The following TOP3B variants were observed in gnomAD, a reference collection of about 807,000 sequenced individuals.
The protein encoded by TOP3B is DNA topoisomerase 3-beta-1.
Under a neutral mutation model 93.9 loss-of-function variants are expected in TOP3B, and 45 were observed. The observed-to-expected ratio is 0.48, with a 90% CI of 0.38 to 0.61. The LOEUF is 0.61. TOP3B is among the 20% of genes least tolerant of loss of function. The pLI is 0.00. For missense variants in TOP3B, 750 were observed against 1,156.1 expected, an observed-to-expected ratio of 0.65 and a Z score of 5.09; for synonymous variants, 357 against 472.6, an observed-to-expected ratio of 0.76 and a Z score of 3.17.
At chr22:21,960,659 G>T in intron 13 of TOP3B, 1 of 650,454 alleles carries the variant, frequency 1.5e-6, no homozygotes, top group Non-Finnish European at 2.6e-6. Flanking sequence ...CACAAGGGCA[G>T]CCCTCCCTGT....
intron 10 of TOP3B, 53 bp from the exon 11 acceptor site, chr22:21,964,081 G>T (rs970257766): frequency 1.9e-6 from 3 of 1,603,584 alleles, no homozygotes; most frequent in African/African-American, 2.7e-5. Flanking sequence ...CTGCCTGCCT[G>T]GGTTTGGCTG....
At chr22:21,964,565 CCACT>C in intron 9 of TOP3B, 1 of 556,278 alleles carries the variant, frequency 1.8e-6, no homozygotes. Context: ...ATGGGAAACG[CCACT>C]CACTCTACCC....
chr22:21,968,676 C>T lies in TOP3B; in HGVS notation c.681G>A (p.Glu227=). 7 of 1,614,218 alleles carry T rather than the reference C, an allele frequency of 4.3e-6. No individual in the cohort carries two copies. Among genetic ancestry groups the T allele is most frequent in the Non-Finnish European group, 5.9e-6 (7 of 1,180,046 alleles). The stretch of plus-strand genomic sequence containing the variant: ...TGAAGGACTGGATTTTATCATGTCT[C>T]TCCACACAGAATCCCAGGGTTGGAG... ...CQTPTLGFCV[E]RHDKIQSFKP... The change falls in exon 7 of 18, where the codon GAG becomes GAA. Residue 227 remains glutamate (E), a synonymous_variant. Transcript: ENST00000357179.
Position 21,971,101 on chromosome 22 carries a change from T to C in TOP3B, c.385-695A>G, listed in dbSNP as rs1163887693. The C allele has an allele frequency of 1.6e-6, 2 of 1,282,224 alleles. No homozygotes were observed. Among genetic ancestry groups the C allele is most frequent in the African/African-American group, 1.5e-5 (1 of 65,374 alleles). The allele number at this position is 1,282,224 out of a possible 1,614,324, so 79.4% of individuals were successfully genotyped here. ...CCCCATGAGCTGCCCCCATTCTCCATTCCCAGATGCAAAGGCCCCCAGGGA... is the reference window on the plus strand; with the variant it reads ...CCCCATGAGCTGCCCCCATTCTCCACTCCCAGATGCAAAGGCCCCCAGGGA... On this transcript the variant is annotated intron_variant, in intron 5 of 17. Coordinates refer to ENST00000357179, the MANE Select transcript of TOP3B (RefSeq NM_001282112.2). The surrounding 1 kb of genome is among the most constrained non-coding windows in gnomAD (Gnocchi z 4.6).
rs909868898 is a variant in TOP3B at position 21,971,054 on chromosome 22, C to T, written c.385-648G>A. The T allele has an allele frequency of 1.2e-5, 16 of 1,303,044 alleles. No homozygotes were observed. In the African/African-American group the frequency reaches 2.3e-4, roughly 19 times the overall value. 80.7% of individuals were successfully genotyped at this position (1,303,044 alleles called of 1,614,324 possible). On this transcript the variant is annotated intron_variant, in intron 5 of 17. Coordinates refer to ENST00000357179, the MANE Select transcript of TOP3B (RefSeq NM_001282112.2). This position sits in a 1 kb window ranked among gnomAD's most constrained non-coding sequence, Gnocchi z 4.6. Reference sequence around the variant, plus strand: ...CAGCTTCCTTACTGGGAATAAGTGGCTTCATTTCTGAAGGGAGAAAGCCCC... The same window carrying T: ...CAGCTTCCTTACTGGGAATAAGTGGTTTCATTTCTGAAGGGAGAAAGCCCC...
intron 17 of TOP3B, chr22:21,958,018 T>C: frequency 4.5e-6 from 6 of 1,325,178 alleles, no homozygotes; most frequent in Non-Finnish European, 5.9e-6. Context: ...GGGAGCTTTC[T>C]GCAGAGCACA....
intron 1 of TOP3B, among the ~76,000 whole-genome samples, chr22:21,980,697 A>G (rs1223270227): frequency 6.6e-6 from 1 of 152,184 alleles, no homozygotes; most frequent in Non-Finnish European, 1.5e-5. Flanking sequence ...TGCATCTCCC[A>G]AGGCTCTGCT....
At chr22:21,964,757 C>A in intron 9 of TOP3B, 1 of 199,770 alleles carries the variant, frequency 5.0e-6, no homozygotes, top group East Asian at 1.3e-4. Context: ...ACTTTGGGGC[C>A]ACTCAGGGGG....
chr22:21,962,432 T>C lies in TOP3B; in HGVS notation c.1522A>G (p.Ile508Val). Residue 508 changes from isoleucine (I) to valine (V), a missense_variant, in exon 13 of 18, where the codon ATC (isoleucine) becomes GTC (valine). By Grantham distance (29) the Ile-to-Val change is conservative. Coordinates refer to ENST00000357179, the MANE Select transcript of TOP3B (RefSeq NM_001282112.2). ...ELITLMEKHG[I>V]GTDASIPVHI... Reference sequence around the variant, plus strand: ...GGGCCTGGGCAGGCGCACCCACCGATGCCATGCTTCTCCATGAGCGTGATG... The same window carrying C: ...GGGCCTGGGCAGGCGCACCCACCGACGCCATGCTTCTCCATGAGCGTGATG... 2 of 1,613,494 alleles carry C rather than the reference T, an allele frequency of 1.2e-6. No homozygotes were observed. Among genetic ancestry groups the C allele is most frequent in the Non-Finnish European group, 1.7e-6 (2 of 1,180,002 alleles).
rs2071024491 is a variant in TOP3B, at chr22:21,958,517, G to A, written c.2082C>T (p.His694=). ...SYPLCPYCYN[H]PPFRDMKKGM... ...CTTTCTTCATGTCTCGGAAGGGTGG[G>A]TGGTTGTAGCAGTAGGGGCACAGCG... Residue 694 remains histidine (H), a synonymous_variant, in exon 17 of 18, where the codon CAC becomes CAT. Transcript: ENST00000357179. 15 of 1,613,976 alleles carry A rather than the reference G, an allele frequency of 9.3e-6. No homozygotes were observed. The highest frequency in any genetic ancestry group is 1.3e-5 in the Non-Finnish European group (15 of 1,180,048).
chr22:21,979,833 C>T (rs1041721036), intron 1 of TOP3B, among the ~76,000 whole-genome samples: 6 of 147,494 alleles, frequency 4.1e-5, no homozygotes, highest in South Asian at 2.1e-4. Context: ...CCCAGCTACT[C>T]GGGAGGCTGA....
chr22:21,975,023 C>T (rs2071804953), intron 2 of TOP3B: 1 of 153,006 alleles, frequency 6.5e-6, no homozygotes, highest in Admixed American at 6.5e-5. Flanking sequence ...AACTGCTGGA[C>T]CAAGGGGAGG....
chr22:21,972,198 A>G (rs1036394867), intron 4 of TOP3B: 2 of 515,780 alleles, frequency 3.9e-6, no homozygotes, highest in African/African-American at 1.9e-5. Context: ...CTTATACCCC[A>G]AAACTGCCCA....
intron 9 of TOP3B, 189 bp downstream of exon 9, chr22:21,965,095 AC>A: frequency 2.4e-6 from 1 of 424,220 alleles, no homozygotes; most frequent in Non-Finnish European, 4.2e-6. Flanking sequence ...AGGGACTCTA[AC>A]ATCAGGAGGT....
intron 15 of TOP3B, 119 bp downstream of exon 15, chr22:21,959,467 CG>C: frequency 6.6e-7 from 1 of 1,512,964 alleles, no homozygotes; most frequent in African/African-American, 1.4e-5. Flanking sequence ...ACCTGGCCTA[CG>C]GAGGCCTGAA....
At chr22:21,958,376 G>A (rs1482504551) in intron 17 of TOP3B, 116 bp downstream of exon 17, 2 of 1,563,248 alleles carry the variant, frequency 1.3e-6, no homozygotes, top group Admixed American at 1.8e-5. Flanking sequence ...GTGCCAATGA[G>A]TGCAGGAAAG....
In TOP3B at chr22:21,971,180, G is replaced by C; in HGVS notation, c.384+697C>G. ...ATCTGGGAAGAGACAGAGTGTGATCGCATTTGCTGAGGGTGCTGTACTGCA... is the reference window on the plus strand; with the variant it reads ...ATCTGGGAAGAGACAGAGTGTGATCCCATTTGCTGAGGGTGCTGTACTGCA... On this transcript the variant is annotated intron_variant, in intron 5 of 17. Coordinates refer to ENST00000357179, the MANE Select transcript of TOP3B (RefSeq NM_001282112.2). This position sits in a 1 kb window ranked among gnomAD's most constrained non-coding sequence, Gnocchi z 4.6. 1 of 605,324 alleles carries C rather than the reference G, an allele frequency of 1.7e-6. No individual in the cohort carries two copies. Among genetic ancestry groups the C allele is most frequent in the South Asian group, 1.8e-5 (1 of 56,768 alleles). The allele number at this position is 605,324 out of a possible 1,614,324, so 37.5% of individuals were successfully genotyped here.
At chr22:21,981,932 G>A (rs555753340) in intron 1 of TOP3B, among the ~76,000 whole-genome samples, 4 of 152,166 alleles carry the variant, frequency 2.6e-5, no homozygotes, top group Non-Finnish European at 5.9e-5. Context: ...GGAAAAGAGG[G>A]AAACAACCAT....
Position 21,968,640 on chromosome 22 carries a change from G to A in TOP3B, c.717C>T (p.Thr239=), listed in dbSNP as rs766686654. 1.2e-6 allele frequency: 2 copies of A among 1,614,176 alleles called. No individual in the cohort carries two copies. The highest frequency in any genetic ancestry group is 1.7e-6 in the Non-Finnish European group (2 of 1,180,046). ...HDKIQSFKPE[T]YWVLQAKVNT... ...GAACCTTGGCCTGCAGCACCCAGTA[G>A]GTCTCTGGTTTGAAGGACTGGATTT... Residue 239 remains threonine, a synonymous_variant, in exon 7 of 18, where the codon ACC becomes ACT. Coordinates refer to ENST00000357179, the MANE Select transcript of TOP3B (RefSeq NM_001282112.2).
Sources: allele counts gnomAD v4.1 joint callset (sites outside exome capture counted in the v4.1 genomes callset), GRCh38; gene constraint gnomAD v4.1.1; non-coding constraint Gnocchi (gnomAD v3.1); transcripts MANE v1.5; gene names NCBI Gene and HGNC (gene_info 2026-07-23, HGNC 2026-07-21).